XIRP2: variants seen among roughly 807,000 people sequenced by gnomAD.
XIRP2 encodes the protein xin actin-binding repeat-containing protein 2.
XIRP2 carries 236 observed loss-of-function variants against 277.0 expected under a neutral mutation model. The ratio of observed to expected loss-of-function variants is 0.85; its 90% CI spans 0.77 to 0.95. XIRP2 has a LOEUF of 0.95. Ranked by LOEUF, XIRP2 falls within the 40% of genes least tolerant of loss-of-function variation. The pLI, the probability that XIRP2 is intolerant of heterozygous loss-of-function variation, is 0.00. For synonymous variants in XIRP2, 1,490 were observed against 1,416.5 expected (o/e 1.05, Z -1.17); for missense variants, 4,640 against 4,157.5 (o/e 1.12, Z -3.19).
In XIRP2 at chr2:167,245,233, A is replaced by T. The variant is rs1369085664; in HGVS notation, c.3841A>T (p.Thr1281Ser). 1 of 1,613,532 alleles carries T rather than the reference A, an allele frequency of 6.2e-7. No individual in the cohort carries two copies. The highest frequency in any genetic ancestry group is 8.5e-7 in the Non-Finnish European group (1 of 1,179,714). ...DVRKGCFIFE[T>S]FSLDEIKEES... ...AAGAAAGGGGTGCTTTATTTTTGAG[A>T]CTTTTTCTTTAGATGAGATTAAAGA... Residue 1281 changes from threonine (T) to serine (S), a missense_variant, in exon 9 of 11, where the codon ACT (threonine) becomes TCT (serine). Physicochemically the swap from Thr to Ser is moderately conservative, Grantham distance 58 (BLOSUM62 1). Coordinates refer to ENST00000409195, the MANE Select transcript of XIRP2 (RefSeq NM_152381.6).
chr2:166,944,956 T>C (rs1192649845), intron 2 of XIRP2, among the ~76,000 whole-genome samples: 3 of 152,168 alleles, frequency 2.0e-5, no homozygotes, highest in Non-Finnish European at 2.9e-5. Flanking sequence ...GAAAGCCCTG[T>C]GGGAAGTACA....
chr2:167,184,776 T>C (rs1693110795), intron 3 of XIRP2: 1 of 623,762 alleles, frequency 1.6e-6, no homozygotes, highest in African/African-American at 1.8e-5. Context: ...GGCCTGATGC[T>C]AATTACTAGC....
intron 4 of XIRP2, among the ~76,000 whole-genome samples, chr2:167,211,129 G>C (rs928712156): frequency 2.0e-5 from 3 of 152,030 alleles, no homozygotes; most frequent in Non-Finnish European, 4.4e-5. Context: ...TTTTGAGACA[G>C]AGTCTTGCTC....
chr2:167,127,073 C>A (rs976159197), intron 2 of XIRP2, among the ~76,000 whole-genome samples: 3 of 152,156 alleles, frequency 2.0e-5, no homozygotes, highest in Admixed American at 2.0e-4. Flanking sequence ...TGGTTTTTAC[C>A]TAGGCTACCT....
chr2:166,915,299 CAAAAAAAAAAA>C (rs993808427), intron 2 of XIRP2, among the ~76,000 whole-genome samples: 3 of 40,132 alleles, frequency 7.5e-5, no homozygotes, highest in African/African-American at 2.8e-4. Context: ...GACTCCGTCT[CAAAAAAAAAAA>C]AAAAAAAAAA....
chr2:167,058,003 GTTTTATTTTATTTTATAATTATTTTA>G (rs1363664956), intron 2 of XIRP2, among the ~76,000 whole-genome samples: 1 of 138,382 alleles, frequency 7.2e-6, no homozygotes, highest in Non-Finnish European at 1.6e-5. Context: ...CGTTATGCAT[GTTTTATTTTATTTTATAATTATTTTA>G]TTTTATTTTA....
At chr2:167,095,562 T>C (rs1242727312) in intron 2 of XIRP2, among the ~76,000 whole-genome samples, 1 of 152,192 alleles carries the variant, frequency 6.6e-6, no homozygotes, top group Non-Finnish European at 1.5e-5. Context: ...TCTGCATCTA[T>C]TGAGATAATC....
Position 167,241,786 on chromosome 2 carries a change from C to A in XIRP2, c.1052C>A (p.Thr351Lys). Residue 351 changes from threonine to lysine, a missense_variant, in exon 8 of 11, where the codon ACA becomes AAA. Thr to Lys is a moderately conservative substitution (Grantham distance 78). Coordinates refer to ENST00000409195, the MANE Select transcript of XIRP2 (RefSeq NM_152381.6). ...HQYVQETVIDTPEDEEIPKVS... is the reference protein window; with the variant it reads ...HQYVQETVIDKPEDEEIPKVS... ...GTTTTTCTGTTTGTAGTCATTGATACACCTGAGGATGAAGAGATTCCAAAG... is the reference window on the plus strand; with the variant it reads ...GTTTTTCTGTTTGTAGTCATTGATAAACCTGAGGATGAAGAGATTCCAAAG... The A allele has an allele frequency of 6.2e-7, 1 of 1,608,296 alleles. No individual in the cohort carries two copies. The highest frequency in any genetic ancestry group is 8.5e-7 in the Non-Finnish European group (1 of 1,177,628).
chr2:167,087,913 A>G (rs1039197098), intron 2 of XIRP2, among the ~76,000 whole-genome samples: 8 of 152,194 alleles, frequency 5.3e-5, no homozygotes, highest in Middle Eastern at 3.4e-3. Flanking sequence ...TGCGTCGCTC[A>G]CGCTGGGAGC....
intron 5 of XIRP2, among the ~76,000 whole-genome samples, chr2:167,239,034 A>G (rs1246150727): frequency 1.3e-5 from 2 of 152,172 alleles, no homozygotes; most frequent in Non-Finnish European, 2.9e-5. Context: ...TCCACATGTG[A>G]AGATAGGGAG....
At chr2:166,971,394 T>C (rs1430944434) in intron 2 of XIRP2, among the ~76,000 whole-genome samples, 2 of 152,010 alleles carry the variant, frequency 1.3e-5, no homozygotes, top group Non-Finnish European at 2.9e-5. Context: ...AGTATGAAAA[T>C]TTAAGTAACT....
rs534000222 is a variant in XIRP2, at chr2:167,105,192, T to C, written c.409-30717T>C. 1.2e-4 allele frequency among the ~76,000 whole-genome samples: 19 copies of C among 152,032 alleles called. No individual in the cohort carries two copies. The South Asian group carries it at 3.9e-3, about 31-fold the overall frequency. ...TATTCAATTTCCCTCAATGGTAACA[T>C]CTTGAAGAACTACAATACAATGTTA... On this transcript the variant is annotated intron_variant, in intron 2 of 10. Transcript: ENST00000409195.
chr2:166,981,377 G>A (rs1165371675), intron 2 of XIRP2, among the ~76,000 whole-genome samples: 1 of 151,234 alleles, frequency 6.6e-6, no homozygotes, highest in African/African-American at 2.4e-5. Context: ...TCCTCTGAGT[G>A]CCTGTCTCCT....
intron 2 of XIRP2, among the ~76,000 whole-genome samples, chr2:167,085,288 T>A (rs1393423966): frequency 6.6e-6 from 1 of 152,008 alleles, no homozygotes; most frequent in Non-Finnish European, 1.5e-5. Context: ...TCTAGTTTGA[T>A]TGCACTGTGG....
rs369812506 is a variant in XIRP2, at chr2:167,171,839, G to A, written c.562+35777G>A. Among the ~76,000 whole-genome samples the A allele has an allele frequency of 2.6e-5, 4 of 152,110 alleles. No homozygotes were observed. The South Asian group carries it at 8.3e-4, about 31-fold the overall frequency. On this transcript the variant is annotated intron_variant, in intron 3 of 10. Coordinates refer to ENST00000409195, the MANE Select transcript of XIRP2 (RefSeq NM_152381.6). ...TATCCTACACACTCTTAACCTCAAA[G>A]TCTACTTTTTCTGACATCAATATAG...
intron 2 of XIRP2, among the ~76,000 whole-genome samples, chr2:167,109,375 G>C (rs1690687874): frequency 6.6e-6 from 1 of 152,096 alleles, no homozygotes; most frequent in Admixed American, 6.6e-5. Flanking sequence ...CTGCCTCCAG[G>C]GTTCAAGTGA....
chr2:167,014,046 T>C (rs544341970), intron 2 of XIRP2, among the ~76,000 whole-genome samples: 4 of 151,664 alleles, frequency 2.6e-5, no homozygotes, highest in Admixed American at 6.6e-5. Context: ...ATGATTAATC[T>C]AGCAGTAACA....
intron 2 of XIRP2, among the ~76,000 whole-genome samples, chr2:167,041,648 G>T (rs1688662699): frequency 6.6e-6 from 1 of 152,010 alleles, no homozygotes; most frequent in Admixed American, 6.6e-5. Context: ...TTTAAAAAAT[G>T]AACACAATTT....
At position 166,903,600 on chromosome 2, in the gene XIRP2, G is replaced by A. The variant is rs770156345; in HGVS notation, c.118G>A (p.Glu40Lys). 1.4e-5 allele frequency: 22 copies of A among 1,613,484 alleles called. No homozygotes were observed. The highest frequency in any genetic ancestry group is 1.7e-5 in the Non-Finnish European group (20 of 1,179,776). The change falls in exon 2 of 11, where the codon GAA (glutamate) becomes AAA (lysine). Residue 40 changes from glutamate (E) to lysine (K), a missense_variant. Coordinates refer to ENST00000409195, the MANE Select transcript of XIRP2 (RefSeq NM_152381.6). ...DSHCTIFQPQESKLLAPEGEV... is the reference protein window; with the variant it reads ...DSHCTIFQPQKSKLLAPEGEV... ...CCATTGTACAATTTTCCAGCCTCAG[G>A]AAAGCAAATTGCTTGCGCCTGAAGG... is the stretch of plus-strand genomic sequence containing the variant.
Sources: gnomAD v4.1 joint callset for allele counts (sites outside exome capture counted in the v4.1 genomes callset) on GRCh38, gnomAD v4.1.1 for gene constraint, MANE v1.5 for transcripts, NCBI Gene and HGNC (gene_info 2026-07-23, HGNC 2026-07-21) for gene names.